RPTOR: variants seen among roughly 807,000 people sequenced by gnomAD.
RPTOR encodes regulatory associated protein of MTOR complex 1.
RPTOR carries 21 observed loss-of-function variants against 169.9 expected under a neutral mutation model. That is an observed-to-expected ratio of 0.12 (90% CI 0.09 to 0.18). RPTOR has a LOEUF of 0.18. RPTOR is among the 10% of genes least tolerant of loss of function. The probability of loss-of-function intolerance (pLI) is 1.00; values close to 1 mark genes in which losing one functional copy is unlikely to be tolerated. For missense variants in RPTOR, 1,133 were observed against 1,855.9 expected (o/e 0.61, Z 7.16); for synonymous variants, 732 against 753.2 (o/e 0.97, Z 0.46).
chr17:80,899,373 C>A (rs1048266351), intron 20 of RPTOR, among the ~76,000 whole-genome samples: 2 of 152,216 alleles, frequency 1.3e-5, no homozygotes, highest in African/African-American at 2.4e-5. Flanking sequence ...TGCAGAAATT[C>A]TACTTATAAA....
chr17:80,642,901 C>G (rs919239407), intron 2 of RPTOR, among the ~76,000 whole-genome samples: 1 of 152,134 alleles, frequency 6.6e-6, no homozygotes, highest in Non-Finnish European at 1.5e-5. Context: ...TTGATCAAAC[C>G]ACATATTCCA....
Position 80,621,692 on chromosome 17 carries a change from C to T in RPTOR, c.163-3999C>T, listed in dbSNP as rs191064455. On this transcript the variant is annotated intron_variant, in intron 1 of 33. Coordinates refer to ENST00000306801, the MANE Select transcript of RPTOR (RefSeq NM_020761.3). The stretch of plus-strand genomic sequence containing the variant: ...AAGGATGAAGTGGACTGTGCGTCTA[C>T]ACTGCACGGCTCAGGGAATAAGCAC... 9.2e-5 allele frequency among the ~76,000 whole-genome samples: 14 copies of T among 152,378 alleles called. No homozygotes were observed. The East Asian group carries it at 2.5e-3, about 27-fold the overall frequency.
chr17:80,836,483 A>T (rs2067565977), intron 9 of RPTOR, among the ~76,000 whole-genome samples: 1 of 152,044 alleles, frequency 6.6e-6, no homozygotes, highest in Admixed American at 6.5e-5. Flanking sequence ...TCTAGGGTGA[A>T]ACAGTCTCAT....
At position 80,896,691 on chromosome 17, in the gene RPTOR, A is replaced by G. The variant is rs180994067; in HGVS notation, c.2401+2826A>G. Among the ~76,000 whole-genome samples the G allele has an allele frequency of 2.6e-5, 4 of 152,300 alleles. No individual in the cohort carries two copies. The East Asian group carries it at 7.7e-4, about 29-fold the overall frequency. On this transcript the variant is annotated intron_variant, in intron 20 of 33. Coordinates refer to ENST00000306801, the MANE Select transcript of RPTOR (RefSeq NM_020761.3). ...CTCTTAGCCCTTTGCTCTGCTGTAT[A>G]CATTTCACAGTCAGGCTTTCTGTGT...
intron 3 of RPTOR, among the ~76,000 whole-genome samples, chr17:80,691,460 G>A (rs952603264): frequency 1.3e-5 from 2 of 151,692 alleles, no homozygotes; most frequent in Non-Finnish European, 2.9e-5. Context: ...GTGTGTGCAC[G>A]CATGTCAGTG....
intron 1 of RPTOR, among the ~76,000 whole-genome samples, chr17:80,588,174 T>C (rs1339824291): frequency 6.6e-6 from 1 of 151,960 alleles, no homozygotes; most frequent in African/African-American, 2.4e-5. Context: ...TTCTTTTTTT[T>C]TTTTTTGAGA....
chr17:80,777,894 T>G (rs1388012190), intron 6 of RPTOR, among the ~76,000 whole-genome samples: 1 of 152,210 alleles, frequency 6.6e-6, no homozygotes, highest in Non-Finnish European at 1.5e-5. Context: ...ACTTTGGAAC[T>G]GTATAAAGAA....
In RPTOR at chr17:80,695,666, C is replaced by T. The variant is rs1026176479; in HGVS notation, c.349-12175C>T. Among the ~76,000 whole-genome samples the T allele has an allele frequency of 2.0e-5, 3 of 152,206 alleles. No individual in the cohort carries two copies. Among genetic ancestry groups the T allele is most frequent in the Admixed American group, 6.5e-5 (1 of 15,282 alleles). The stretch of plus-strand genomic sequence containing the variant: ...ACGTTACCCCGAATTCCAGAATAAT[C>T]GTGAGAAGGAGCCAGTGGAGTGGTG... On this transcript the variant is annotated intron_variant, in intron 3 of 33. Coordinates refer to ENST00000306801, the MANE Select transcript of RPTOR (RefSeq NM_020761.3). This position sits in a 1 kb window ranked among gnomAD's most constrained non-coding sequence, Gnocchi z 4.9.
At chr17:80,777,402 C>T (rs1483820677) in intron 6 of RPTOR, among the ~76,000 whole-genome samples, 1 of 152,128 alleles carries the variant, frequency 6.6e-6, no homozygotes, top group East Asian at 1.9e-4. Flanking sequence ...CTTGAATATT[C>T]AAGCAGGACT....
intron 1 of RPTOR, among the ~76,000 whole-genome samples, chr17:80,601,562 T>C (rs1405402729): frequency 7.2e-5 from 4 of 55,478 alleles, no homozygotes; most frequent in South Asian, 4.5e-4. Flanking sequence ...AGTCTTTTTT[T>C]TTTTTTTTTT....
intron 13 of RPTOR, among the ~76,000 whole-genome samples, chr17:80,874,734 G>A (rs766430329): frequency 9.9e-5 from 15 of 152,094 alleles, no homozygotes; most frequent in Admixed American, 2.0e-4. Context: ...TTGTGAAAAC[G>A]CTGCACATAT....
intron 20 of RPTOR, among the ~76,000 whole-genome samples, chr17:80,896,488 ACCGACACACCCCACGGCC>A (rs2068405198): frequency 1.3e-4 from 13 of 98,378 alleles, no homozygotes; most frequent in Admixed American, 2.1e-4. Flanking sequence ...CCACGGCCGC[ACCGACACACCCCACGGCC>A]GCACCGACAC....
chr17:80,604,222 A>G (rs2065211952), intron 1 of RPTOR, among the ~76,000 whole-genome samples: 2 of 152,258 alleles, frequency 1.3e-5, no homozygotes, highest in African/African-American at 2.4e-5. Context: ...ACAAAGGGGA[A>G]GTAGCAGGTA....
chr17:80,934,218 C>A (rs200308908), intron 24 of RPTOR, among the ~76,000 whole-genome samples: 1 of 144,108 alleles, frequency 6.9e-6, no homozygotes. Context: ...CGGTGCAATA[C>A]CTTCCATCAC....
At chr17:80,663,429 A>C (rs1319088450) in intron 3 of RPTOR, among the ~76,000 whole-genome samples, 2 of 151,934 alleles carry the variant, frequency 1.3e-5, no homozygotes, top group Non-Finnish European at 2.9e-5. Context: ...GGCAATCTGC[A>C]GAGGAATCTT....
At chr17:80,698,451 G>A (rs2066055808) in intron 3 of RPTOR, among the ~76,000 whole-genome samples, 1 of 152,314 alleles carries the variant, frequency 6.6e-6, no homozygotes, top group African/African-American at 2.4e-5. Context: ...CCAGCATGTG[G>A]TCATGGCCTG....
chr17:80,709,302 C>T (rs780834734), intron 4 of RPTOR, among the ~76,000 whole-genome samples: 4 of 152,334 alleles, frequency 2.6e-5, no homozygotes, highest in Non-Finnish European at 4.4e-5. Flanking sequence ...AGGCCCCTGG[C>T]GTGTCTTTCT....
At position 80,925,451 on chromosome 17, in the gene RPTOR, G is replaced by T; in HGVS notation, c.2890G>T (p.Ala964Ser). The T allele has an allele frequency of 6.2e-7, 1 of 1,613,482 alleles. No individual in the cohort carries two copies. Among genetic ancestry groups the T allele is most frequent in the South Asian group, 1.1e-5 (1 of 91,082 alleles). ...TVQTGFCDWS[A>S]RYFAQPVMKI... is the part of the protein sequence containing the mutation. The stretch of plus-strand genomic sequence containing the variant: ...GCAGACGGGGTTCTGCGACTGGAGC[G>T]CCCGCTATTTTGCCCAGCCCGTCAT... The change falls in exon 24 of 34, where the codon GCC becomes TCC. Residue 964 changes from alanine (A) to serine (S), a missense_variant. Ala to Ser is a moderately conservative substitution (Grantham distance 99, BLOSUM62 1). Around this residue, in one of 9 missense-constraint regions of RPTOR, gnomAD observed 410 missense variants for 623.7 expected, o/e 0.66. Transcript: ENST00000306801.
chr17:80,696,632 C>T (rs1450981242), intron 3 of RPTOR, among the ~76,000 whole-genome samples: 1 of 152,234 alleles, frequency 6.6e-6, no homozygotes, highest in Non-Finnish European at 1.5e-5. Context: ...GAGCCTGGAT[C>T]TCTGCAGTGG....
Sources: allele counts gnomAD v4.1 joint callset (sites outside exome capture counted in the v4.1 genomes callset), GRCh38; gene constraint gnomAD v4.1.1; regional missense constraint gnomAD v4.1.1; non-coding constraint Gnocchi (gnomAD v3.1); transcripts MANE v1.5; gene names NCBI Gene and HGNC (gene_info 2026-07-23, HGNC 2026-07-21).